The following TNK2 variants were observed in gnomAD, a reference collection of about 807,000 sequenced individuals.
TNK2 encodes tyrosine kinase non receptor 2, also known as activated CDC42 kinase 1.
In TNK2, 83 loss-of-function variants were observed where a neutral mutation model predicts 101.8. That is an observed-to-expected ratio of 0.82 (90% CI 0.68 to 0.98). TNK2 has a LOEUF of 0.98. Among genes scored for constraint, TNK2 ranks in the 50% least tolerant of loss-of-function variants. The probability of loss-of-function intolerance (pLI) is 0.00; values close to 1 mark genes in which losing one functional copy is unlikely to be tolerated. For missense variants in TNK2, 1,665 were observed against 1,483.2 expected (o/e 1.12, Z -2.01); for synonymous variants, 804 against 633.0 (o/e 1.27, Z -4.06).
Position 195,882,482 on chromosome 3 carries a change from G to A in TNK2, c.610-154C>T. The A allele has an allele frequency of 2.6e-6, 4 of 1,543,656 alleles. No individual in the cohort carries two copies. The highest frequency in any genetic ancestry group is 3.5e-6 in the Non-Finnish European group (4 of 1,147,148). On this transcript the variant is annotated intron_variant, in intron 5 of 15. Coordinates refer to ENST00000672887, the MANE Select transcript of TNK2 (RefSeq NM_001382273.1). This position sits in a 1 kb window ranked among gnomAD's most constrained non-coding sequence, Gnocchi z 4.2. ...CTGTCTGGGGACCTCTAGGAGTCCT[G>A]CAGTTTCTCAGGCCTCTCCCTCGAG...
At chr3:195,889,292 T>A (rs1307192065) in intron 1 of TNK2, among the ~76,000 whole-genome samples, 2 of 152,192 alleles carry the variant, frequency 1.3e-5, no homozygotes, top group African/African-American at 4.8e-5. Context: ...GAAGAAACTG[T>A]GGCCCAGTGT....
chr3:195,878,638 G>C lies in TNK2; in HGVS notation c.1015-46C>G, dbSNP rs1750744041. 1 of 1,592,670 alleles carries C rather than the reference G, an allele frequency of 6.3e-7. No homozygotes were observed. Among genetic ancestry groups the C allele is most frequent in the Non-Finnish European group, 8.6e-7 (1 of 1,167,542 alleles). On this transcript the variant is annotated intron_variant, in intron 7 of 15. Coordinates refer to ENST00000672887, the MANE Select transcript of TNK2 (RefSeq NM_001382273.1). The surrounding 1 kb of genome is among the most constrained non-coding windows in gnomAD (Gnocchi z 4.7). ...AGTTTGACGACAAACAGAGCGCCCAGCCCTTCACTTCCCGCCTTCCCTCCA... is the reference window on the plus strand; with the variant it reads ...AGTTTGACGACAAACAGAGCGCCCACCCCTTCACTTCCCGCCTTCCCTCCA...
At chr3:195,895,539 T>C (rs981378501) in intron 1 of TNK2, 4 of 1,335,480 alleles carry the variant, frequency 3.0e-6, no homozygotes, top group African/African-American at 1.5e-5. Context: ...CTGCAGCCCG[T>C]CCCAGCTCCG....
chr3:195,869,008 A>AGGTATGATGTGT, intron 12 of TNK2: 1 of 483,968 alleles, frequency 2.1e-6, no homozygotes, highest in Non-Finnish European at 3.7e-6. Flanking sequence ...CCACCAGCAC[A>AGGTATGATGTGT]AGACCCCGGC....
intron 1 of TNK2, among the ~76,000 whole-genome samples, chr3:195,902,080 C>G (rs1030456270): frequency 5.9e-5 from 9 of 152,072 alleles, no homozygotes; most frequent in South Asian, 2.1e-4. Context: ...GCCATAGGCC[C>G]CTAGGGAGGG....
rs371555478 is a variant in TNK2, at chr3:195,868,138, C to T, written c.2160G>A (p.Glu720=). ...ACTCCTGCTGTAGCGCCTGGAAGAT[C>T]TCTGCGGTCTGTGCGGAGCTGGGCG... ...GKPPSSAQTA[E]IFQALQQECM... is the part of the protein sequence containing the mutation. The change falls in exon 13 of 16, where the codon GAG becomes GAA. Residue 720 remains glutamate, a synonymous_variant. Transcript: ENST00000672887. 133 of 1,611,516 alleles carry T rather than the reference C, an allele frequency of 8.3e-5. No homozygotes were observed. Among genetic ancestry groups the T allele is most frequent in the Middle Eastern group, 1.6e-4 (1 of 6,078 alleles).
In TNK2 at chr3:195,868,079, G is replaced by A. The variant is rs56260729; in HGVS notation, c.2219C>T (p.Pro740Leu). 0.21 allele frequency: 335,151 copies of A among 1,607,368 alleles called. 37,750 individuals carry two copies. The highest frequency in any genetic ancestry group is 0.23 in the Non-Finnish European group (267,903 of 1,178,050). ...MRQLQAPAGS[P>L]APSPSPGGDD... ...ACCCCCCGGGCTGGGAGAGGGGGCC[G>A]GGGAGCCGGCCGGAGCCTGCAGTTG... Residue 740 changes from proline to leucine, a missense_variant, in exon 13 of 16, where the codon CCG becomes CTG. By Grantham distance (98) the Pro-to-Leu change is moderately conservative. Around this residue, in one of 3 missense-constraint regions of TNK2, gnomAD observed 1,136 missense variants for 894.9 expected, o/e 1.27. Transcript: ENST00000672887.
rs145862992 is a variant in TNK2, at chr3:195,866,951, G to A, written c.3099C>T (p.Phe1033=). 33 of 1,612,882 alleles carry A rather than the reference G, an allele frequency of 2.0e-5. No homozygotes were observed. The highest frequency in any genetic ancestry group is 1.7e-4 in the Admixed American group (10 of 59,984). The change falls in exon 15 of 16, where the codon TTC becomes TTT. Residue 1033 remains phenylalanine (F), a synonymous_variant. Coordinates refer to ENST00000672887, the MANE Select transcript of TNK2 (RefSeq NM_001382273.1). ...RGECHKVLEM[F]DWNLEQAGCH... ...AGCCGGCCTGCTCCAGGTTCCAGTC[G>A]AACATCTCCAGCACTTTGTGGCACT...
At chr3:195,891,826 G>C (rs1758586958) in intron 1 of TNK2, 1 of 760,134 alleles carries the variant, frequency 1.3e-6, no homozygotes, top group Non-Finnish European at 1.6e-6. Context: ...GTCAGGGCTG[G>C]GGGAGACCCA....
intron 9 of TNK2, chr3:195,876,800 C>A (rs575089913): frequency 8.3e-6 from 3 of 362,416 alleles, no homozygotes; most frequent in Non-Finnish European, 1.6e-5. Context: ...CAGCCGCTCC[C>A]GGCCCCTCCC....
intron 11 of TNK2, 187 bp downstream of exon 11, chr3:195,869,927 C>A: frequency 1.7e-6 from 1 of 571,454 alleles, no homozygotes. Context: ...AGGCCCACCT[C>A]GGCGGATACA....
Position 195,882,441 on chromosome 3 carries a change from G to T in TNK2, c.610-113C>A, listed in dbSNP as rs1026940231. The T allele has an allele frequency of 3.2e-6, 5 of 1,557,012 alleles. No individual in the cohort carries two copies. In the Admixed American group the frequency reaches 9.6e-5, roughly 30 times the overall value. ...AAGGCTTTCCAGAGCCAGGCTGCAC[G>T]CACCTTCCTGGCCTGCTGTCTGGGG... is the stretch of plus-strand genomic sequence containing the variant. On this transcript the variant is annotated intron_variant, in intron 5 of 15. Coordinates refer to ENST00000672887, the MANE Select transcript of TNK2 (RefSeq NM_001382273.1). This position sits in a 1 kb window ranked among gnomAD's most constrained non-coding sequence, Gnocchi z 4.2.
intron 1 of TNK2, among the ~76,000 whole-genome samples, chr3:195,900,144 A>G (rs1323795905): frequency 6.6e-6 from 1 of 152,082 alleles, no homozygotes; most frequent in Admixed American, 6.5e-5. Context: ...ATTGGTCTTA[A>G]GGAAGGTGCC....
In TNK2 at chr3:195,883,268, G is replaced by A; in HGVS notation, c.498C>T (p.Ser166=). 3.1e-6 allele frequency: 5 copies of A among 1,613,416 alleles called. No individual in the cohort carries two copies. The highest frequency in any genetic ancestry group is 1.7e-6 in the Non-Finnish European group (2 of 1,180,028). ...TGAAGTCGTCCATGGCTTCTGGCTG[G>A]CTCAGGACATCGGGCTTCAGGCACT... ...AVKCLKPDVL[S]QPEAMDDFIR... is the part of the protein sequence containing the mutation. Residue 166 remains serine, a synonymous_variant, in exon 5 of 16, where the codon AGC becomes AGT. Coordinates refer to ENST00000672887, the MANE Select transcript of TNK2 (RefSeq NM_001382273.1).
chr3:195,867,930 G>T lies in TNK2; in HGVS notation c.2368C>A (p.Pro790Thr), dbSNP rs1178464753. Residue 790 changes from proline to threonine, a missense_variant, in exon 13 of 16, where the codon CCT (proline) becomes ACT (threonine). Physicochemically the swap from Pro to Thr is conservative, Grantham distance 38. Coordinates refer to ENST00000672887, the MANE Select transcript of TNK2 (RefSeq NM_001382273.1). ...GGCTCCCGCGGAGGCACCCGGGGAG[G>T]GGAAGCAGGTCCAGGCCACTGGCTG... ...ETSQWPGPAS[P>T]PRVPPREPLS... 1 of 1,536,112 alleles carries T rather than the reference G, an allele frequency of 6.5e-7. No homozygotes were observed. The highest frequency in any genetic ancestry group is 2.3e-5 in the East Asian group (1 of 43,564).
intron 1 of TNK2, among the ~76,000 whole-genome samples, chr3:195,904,441 A>G (rs2149876283): frequency 6.6e-6 from 1 of 152,336 alleles, no homozygotes; most frequent in Non-Finnish European, 1.5e-5. Context: ...ACAAAAGCAC[A>G]AACACTGTAA....
intron 6 of TNK2, among the ~76,000 whole-genome samples, chr3:195,880,174 A>G (rs1488507214): frequency 3.3e-5 from 5 of 152,080 alleles, no homozygotes; most frequent in Non-Finnish European, 5.9e-5. Flanking sequence ...TCAGCAGAGG[A>G]TAAGCCCACA....
intron 15 of TNK2, among the ~76,000 whole-genome samples, chr3:195,864,707 C>G: frequency 6.9e-6 from 1 of 143,908 alleles, no homozygotes; most frequent in Non-Finnish European, 1.5e-5. Context: ...AGATGCAAAT[C>G]AGTAAGAACC....
chr3:195,907,302 G>C (rs1455230342), intron 1 of TNK2, among the ~76,000 whole-genome samples: 2 of 152,188 alleles, frequency 1.3e-5, no homozygotes, highest in Admixed American at 6.5e-5. Flanking sequence ...GCTGACAGGC[G>C]GGTTTGAGTT....
Sources: gnomAD v4.1 joint callset for allele counts (sites outside exome capture counted in the v4.1 genomes callset) on GRCh38, gnomAD v4.1.1 for gene constraint, gnomAD v4.1.1 regional missense constraint, Gnocchi (gnomAD v3.1) non-coding constraint, MANE v1.5 for transcripts, NCBI Gene and HGNC (gene_info 2026-07-23, HGNC 2026-07-21) for gene names.